PRR16: variants seen among roughly 807,000 people sequenced by gnomAD.
PRR16 encodes the protein proline rich 16, also known as protein Largen.
PRR16 carries 6 observed loss-of-function variants against 18.2 expected under a neutral mutation model. The ratio of observed to expected loss-of-function variants is 0.33; its 90% CI spans 0.18 to 0.65. PRR16 has a LOEUF of 0.65. Ranked by LOEUF, PRR16 falls within the 30% of genes least tolerant of loss-of-function variation. PRR16 has a pLI of 0.74. For missense variants in PRR16, 412 were observed against 376.6 expected, an observed-to-expected ratio of 1.09 and a Z score of -0.78; for synonymous variants, 151 against 147.8, an observed-to-expected ratio of 1.02 and a Z score of -0.16.
chr5:120,729,527 C>T, the PRR16 span, among the ~76,000 whole-genome samples: 10 of 152,204 alleles, frequency 6.6e-5, no homozygotes, highest in East Asian at 1.2e-3. Flanking sequence ...ATTGAGCAGT[C>T]CTTCATTTAC....
At chr5:120,500,752 A>G (rs775208654) in intron 1 of PRR16, among the ~76,000 whole-genome samples, 31 of 152,144 alleles carry the variant, frequency 2.0e-4, no homozygotes, top group Non-Finnish European at 1.5e-5. Flanking sequence ...CAAACTTTCA[A>G]ATTTTACTAA....
At chr5:120,520,028 T>C (rs949822743) in intron 1 of PRR16, among the ~76,000 whole-genome samples, 1 of 152,160 alleles carries the variant, frequency 6.6e-6, no homozygotes, top group African/African-American at 2.4e-5. Context: ...ATCCTGAACA[T>C]TGTTAAGAAA....
chr5:120,672,246 G>C (rs1473360178), intron 1 of PRR16, among the ~76,000 whole-genome samples: 2 of 146,482 alleles, frequency 1.4e-5, no homozygotes, highest in East Asian at 2.0e-4. Context: ...GTCTGTGTGT[G>C]TGTGTGTGTG....
intron 1 of PRR16, among the ~76,000 whole-genome samples, chr5:120,556,233 G>GTTTTTTTTTTTTTTTTT (rs34053155): frequency 8.2e-6 from 1 of 121,760 alleles, no homozygotes; most frequent in African/African-American, 3.1e-5. Context: ...CAATTTCATT[G>GTTTTTTTTTTTTTTTTT]TTTTTTTTTT....
chr5:120,556,129 G>A (rs2112708431), intron 1 of PRR16, among the ~76,000 whole-genome samples: 1 of 149,868 alleles, frequency 6.7e-6, no homozygotes, highest in Admixed American at 6.7e-5. Context: ...AAAACATACA[G>A]AAAGCATGTT....
chr5:120,759,857 T>C, the PRR16 span, among the ~76,000 whole-genome samples: 3 of 152,172 alleles, frequency 2.0e-5, no homozygotes, highest in Non-Finnish European at 1.5e-5. Context: ...AATACACTTG[T>C]TGTTAAAGTT....
the PRR16 span, among the ~76,000 whole-genome samples, chr5:120,749,587 T>A: frequency 1.3e-5 from 2 of 152,194 alleles, no homozygotes; most frequent in Admixed American, 1.3e-4. Flanking sequence ...CTATGTGCTA[T>A]TCTCAATAGG....
intron 1 of PRR16, among the ~76,000 whole-genome samples, chr5:120,619,956 T>A (rs532421807): frequency 1.3e-5 from 2 of 152,026 alleles, no homozygotes; most frequent in African/African-American, 4.8e-5. Flanking sequence ...GAGTTGGAGG[T>A]AGGTCAGAGA....
chr5:120,481,406 C>T (rs568485625), intron 1 of PRR16: 27 of 269,550 alleles, frequency 1.0e-4, no homozygotes, highest in African/African-American at 6.2e-4. Flanking sequence ...GCTGGTGTTA[C>T]AGGCGTGAGC....
chr5:120,565,665 T>C (rs1214810909), intron 1 of PRR16, among the ~76,000 whole-genome samples: 3 of 152,152 alleles, frequency 2.0e-5, no homozygotes, highest in Non-Finnish European at 4.4e-5. Context: ...TAAAAATAAA[T>C]AATACATGCT....
chr5:120,731,233 C>CTA, the PRR16 span, among the ~76,000 whole-genome samples: 8 of 152,050 alleles, frequency 5.3e-5, no homozygotes, highest in African/African-American at 1.9e-4. Flanking sequence ...ATTCAAAAAT[C>CTA]TATAGTAAAC....
chr5:120,642,326 G>C (rs78438196), intron 1 of PRR16, among the ~76,000 whole-genome samples: 4,836 of 151,806 alleles, frequency 0.032, 171 homozygotes, highest in African/African-American at 0.084. Context: ...TCATTCAAAA[G>C]ATATTTTATT....
intron 1 of PRR16, among the ~76,000 whole-genome samples, chr5:120,575,444 A>G (rs1753045801): frequency 6.6e-6 from 1 of 152,074 alleles, no homozygotes; most frequent in Non-Finnish European, 1.5e-5. Flanking sequence ...ACAGCACATC[A>G]AAAGGATTAT....
intron 1 of PRR16, among the ~76,000 whole-genome samples, chr5:120,513,148 T>C (rs1750882759): frequency 6.6e-6 from 1 of 152,106 alleles, no homozygotes; most frequent in Non-Finnish European, 1.5e-5. Context: ...ATTTAACCGG[T>C]TGTGGCTGGT....
chr5:120,624,583 A>C (rs376937244), intron 1 of PRR16, among the ~76,000 whole-genome samples: 1 of 152,178 alleles, frequency 6.6e-6, no homozygotes, highest in Non-Finnish European at 1.5e-5. Flanking sequence ...ATTACTCAAC[A>C]TCTCTGTGCC....
intron 1 of PRR16, among the ~76,000 whole-genome samples, chr5:120,588,611 A>G (rs1214486725): frequency 1.3e-5 from 2 of 152,212 alleles, no homozygotes; most frequent in Non-Finnish European, 2.9e-5. Flanking sequence ...TATTACATAC[A>G]TATAGACTAC....
intron 1 of PRR16, among the ~76,000 whole-genome samples, chr5:120,540,867 A>T (rs1751891479): frequency 6.6e-6 from 1 of 152,090 alleles, no homozygotes; most frequent in South Asian, 2.1e-4. Flanking sequence ...CTAACGTGTC[A>T]TATCACAACT....
At chr5:120,723,864 T>G in the PRR16 span, among the ~76,000 whole-genome samples, 1 of 151,988 alleles carries the variant, frequency 6.6e-6, no homozygotes, top group Non-Finnish European at 1.5e-5. Context: ...TGGAATTATT[T>G]GAGGCTATTA....
At chr5:120,605,173 T>G (rs1754115302) in intron 1 of PRR16, among the ~76,000 whole-genome samples, 1 of 152,202 alleles carries the variant, frequency 6.6e-6, no homozygotes, top group South Asian at 2.1e-4. Context: ...TCCATCTCTT[T>G]CAGGAATCCC....
Sources: allele counts gnomAD v4.1 joint callset (sites outside exome capture counted in the v4.1 genomes callset), GRCh38; gene constraint gnomAD v4.1.1; transcripts MANE v1.5; gene names NCBI Gene and HGNC (gene_info 2026-07-23, HGNC 2026-07-21).